Variants in PPFIA2 observed in about 807,000 individuals in gnomAD.
The protein encoded by PPFIA2 is liprin-alpha-2.
Under a neutral mutation model 175.5 loss-of-function variants are expected in PPFIA2, and 46 were observed. The ratio of observed to expected loss-of-function variants is 0.26; its 90% CI spans 0.21 to 0.34. PPFIA2 has a LOEUF of 0.34. Among genes scored for constraint, PPFIA2 ranks in the 10% least tolerant of loss-of-function variants. PPFIA2 has a pLI of 1.00. For missense variants in PPFIA2, 1,179 were observed against 1,506.1 expected (o/e 0.78, Z 3.60); for synonymous variants, 568 against 511.4 (o/e 1.11, Z -1.49).
chr12:81,538,419 G>C (rs1290187861), intron 4 of PPFIA2, among the ~76,000 whole-genome samples: 1 of 151,760 alleles, frequency 6.6e-6, no homozygotes, highest in African/African-American at 2.4e-5. Context: ...TTCTAGTGCA[G>C]ATAGAAATAA....
At chr12:81,607,695 G>C (rs2060471559) in intron 4 of PPFIA2, among the ~76,000 whole-genome samples, 1 of 152,030 alleles carries the variant, frequency 6.6e-6, no homozygotes, top group Non-Finnish European at 1.5e-5. Flanking sequence ...GTAGCCTTTT[G>C]GCAGAGTCTT....
intron 24 of PPFIA2, among the ~76,000 whole-genome samples, chr12:81,289,105 A>G (rs1039396699): frequency 6.6e-6 from 1 of 151,778 alleles, no homozygotes; most frequent in African/African-American, 2.4e-5. Context: ...AGCTATAATA[A>G]AAGTACCTTT....
At chr12:81,618,384 A>C (rs934827690) in intron 4 of PPFIA2, among the ~76,000 whole-genome samples, 4 of 152,072 alleles carry the variant, frequency 2.6e-5, no homozygotes, top group Non-Finnish European at 5.9e-5. Context: ...TTATTAAATA[A>C]ATTAATGTAG....
intron 3 of PPFIA2, among the ~76,000 whole-genome samples, chr12:81,703,389 G>A (rs1418297798): frequency 1.3e-5 from 2 of 151,930 alleles, no homozygotes; most frequent in East Asian, 3.9e-4. Flanking sequence ...AGTCATCCTT[G>A]ATTTTTATTC....
At chr12:81,455,372 G>A (rs569573767) in intron 5 of PPFIA2, among the ~76,000 whole-genome samples, 5 of 152,166 alleles carry the variant, frequency 3.3e-5, no homozygotes, top group South Asian at 2.1e-4. Context: ...TGATGCAGTC[G>A]ACAACAAAAA....
intron 22 of PPFIA2, among the ~76,000 whole-genome samples, chr12:81,300,900 G>A (rs543613522): frequency 6.6e-6 from 1 of 152,218 alleles, no homozygotes; most frequent in East Asian, 1.9e-4. Context: ...TGTTTGGTGT[G>A]GAAAATAGAT....
At chr12:81,643,157 AT>A (rs954362836) in intron 4 of PPFIA2, among the ~76,000 whole-genome samples, 1 of 150,946 alleles carries the variant, frequency 6.6e-6, no homozygotes, top group African/African-American at 2.4e-5. Flanking sequence ...AAATATCATT[AT>A]AAAAATAAAA....
intron 14 of PPFIA2, 36 bp downstream of exon 14, chr12:81,367,072 T>G: frequency 6.9e-7 from 1 of 1,448,994 alleles, no homozygotes; most frequent in Admixed American, 2.7e-5. Context: ...AAAATAAAAA[T>G]AGAAAATGGG....
intron 5 of PPFIA2, among the ~76,000 whole-genome samples, chr12:81,453,909 T>C (rs907239009): frequency 6.6e-6 from 1 of 152,066 alleles, no homozygotes; most frequent in Non-Finnish European, 1.5e-5. Context: ...CAAAATAAAG[T>C]AGGATTGAAT....
intron 9 of PPFIA2, among the ~76,000 whole-genome samples, chr12:81,381,200 A>C (rs2037613997): frequency 6.6e-6 from 1 of 152,078 alleles, no homozygotes; most frequent in Non-Finnish European, 1.5e-5. Context: ...CTTTCTCAGG[A>C]AACTCTTCTA....
At chr12:81,291,559 A>G (rs1469340162) in intron 24 of PPFIA2, among the ~76,000 whole-genome samples, 2 of 152,016 alleles carry the variant, frequency 1.3e-5, no homozygotes, top group African/African-American at 4.8e-5. Context: ...GAATATTTAC[A>G]TAATATCTAA....
intron 30 of PPFIA2, among the ~76,000 whole-genome samples, chr12:81,266,295 A>G (rs1468309129): frequency 6.6e-6 from 1 of 152,162 alleles, no homozygotes; most frequent in Non-Finnish European, 1.5e-5. Flanking sequence ...AAAACTCAGA[A>G]AGACTATTAA....
At chr12:81,323,268 T>G (rs2054069300) in intron 22 of PPFIA2, among the ~76,000 whole-genome samples, 1 of 152,116 alleles carries the variant, frequency 6.6e-6, no homozygotes, top group African/African-American at 2.4e-5. Flanking sequence ...ATCTCTGCTA[T>G]GAATTATGGG....
intron 4 of PPFIA2, among the ~76,000 whole-genome samples, chr12:81,573,781 G>C (rs944458630): frequency 4.0e-5 from 6 of 151,794 alleles, no homozygotes; most frequent in Non-Finnish European, 7.4e-5. Context: ...GTTAATCCTA[G>C]TCCTCAATGA....
intron 3 of PPFIA2, among the ~76,000 whole-genome samples, chr12:81,702,395 C>T (rs931504134): frequency 6.6e-6 from 1 of 152,134 alleles, no homozygotes; most frequent in Non-Finnish European, 1.5e-5. Flanking sequence ...TTACCCACTT[C>T]GCTCTGACCT....
intron 4 of PPFIA2, among the ~76,000 whole-genome samples, chr12:81,541,490 T>C (rs759549471): frequency 6.6e-6 from 1 of 152,102 alleles, no homozygotes; most frequent in Non-Finnish European, 1.5e-5. Flanking sequence ...AGAAGAAATA[T>C]GCAACAAAGT....
chr12:81,366,636 A>T (rs1481483926), intron 14 of PPFIA2, among the ~76,000 whole-genome samples: 1 of 151,606 alleles, frequency 6.6e-6, no homozygotes, highest in Non-Finnish European at 1.5e-5. Flanking sequence ...CTCTCTCCTC[A>T]GTTAGATTTT....
intron 4 of PPFIA2, among the ~76,000 whole-genome samples, chr12:81,492,287 T>A (rs1334358493): frequency 1.3e-5 from 2 of 152,052 alleles, no homozygotes; most frequent in African/African-American, 4.8e-5. Flanking sequence ...CATTTATAGG[T>A]TTCCTTGAAG....
intron 28 of PPFIA2, chr12:81,270,870 C>T (rs1046203678): frequency 2.0e-5 from 3 of 152,122 alleles, no homozygotes; most frequent in African/African-American, 7.2e-5. Flanking sequence ...TTTTACTTTC[C>T]ATATTTTAAA....
Sources: gnomAD v4.1 joint callset for allele counts (sites outside exome capture counted in the v4.1 genomes callset) on GRCh38, gnomAD v4.1.1 for gene constraint, MANE v1.5 for transcripts, NCBI Gene and HGNC (gene_info 2026-07-23, HGNC 2026-07-21) for gene names.